DACH1: variants seen among roughly 807,000 people sequenced by gnomAD.
DACH1 encodes the protein dachshund family transcription factor 1.
Under a neutral mutation model 54.2 loss-of-function variants are expected in DACH1, and 12 were observed. That is an observed-to-expected ratio of 0.22 (90% CI 0.14 to 0.36). The LOEUF (loss-of-function observed/expected upper bound fraction) is 0.36, where lower values mean the gene tolerates loss of function less well. DACH1 is among the 10% of genes least tolerant of loss of function. DACH1 has a pLI of 1.00. For missense variants in DACH1, 805 were observed against 929.8 expected (o/e 0.87, Z 1.75); for synonymous variants, 386 against 366.2 (o/e 1.05, Z -0.62).
At chr13:71,572,094 T>C (rs1298065765) in intron 4 of DACH1, among the ~76,000 whole-genome samples, 1 of 152,190 alleles carries the variant, frequency 6.6e-6, no homozygotes, top group Non-Finnish European at 1.5e-5. Flanking sequence ...ATAAAATATC[T>C]TGTACTTAGT....
At chr13:71,695,989 T>C (rs1456158462) in intron 1 of DACH1, among the ~76,000 whole-genome samples, 2 of 152,220 alleles carry the variant, frequency 1.3e-5, no homozygotes, top group Non-Finnish European at 2.9e-5. Flanking sequence ...GTGCTCATAA[T>C]TTAATAGGTT....
At chr13:71,825,717 G>C (rs952556458) in intron 1 of DACH1, among the ~76,000 whole-genome samples, 3 of 151,988 alleles carry the variant, frequency 2.0e-5, no homozygotes, top group Non-Finnish European at 4.4e-5. Flanking sequence ...TGGACATTTG[G>C]CTTGTTATTT....
chr13:71,645,524 A>G (rs957195320), intron 2 of DACH1, among the ~76,000 whole-genome samples: 1 of 152,072 alleles, frequency 6.6e-6, no homozygotes, highest in Non-Finnish European at 1.5e-5. Flanking sequence ...CAGGTATCTC[A>G]AGTCTAATTC....
intron 6 of DACH1, among the ~76,000 whole-genome samples, chr13:71,540,867 G>A (rs1382364986): frequency 6.6e-6 from 1 of 151,840 alleles, no homozygotes; most frequent in African/African-American, 2.4e-5. Context: ...TAAAGTCACT[G>A]ATTAAATGAT....
At chr13:71,782,707 C>G (rs1886436029) in intron 1 of DACH1, among the ~76,000 whole-genome samples, 1 of 152,016 alleles carries the variant, frequency 6.6e-6, no homozygotes, top group Non-Finnish European at 1.5e-5. Context: ...GGCACTAAAC[C>G]AGAGTTTTTA....
chr13:71,675,305 C>T, intron 2 of DACH1: 1 of 1,601,178 alleles, frequency 6.2e-7, no homozygotes. Flanking sequence ...TACTTTAAAA[C>T]AGATCTGCGC....
intron 6 of DACH1, among the ~76,000 whole-genome samples, chr13:71,494,846 T>C (rs1441164353): frequency 1.3e-5 from 2 of 152,222 alleles, no homozygotes. Context: ...CACTTATCAA[T>C]AACTGACTAT....
chr13:71,465,359 T>C (rs774802051), intron 10 of DACH1, among the ~76,000 whole-genome samples: 28 of 152,076 alleles, frequency 1.8e-4, no homozygotes, highest in Non-Finnish European at 3.5e-4. Flanking sequence ...CTTTTATGAC[T>C]CTTGAAGTAT....
At chr13:71,828,801 G>A (rs1888477555) in intron 1 of DACH1, among the ~76,000 whole-genome samples, 1 of 151,710 alleles carries the variant, frequency 6.6e-6, no homozygotes. Context: ...TGGCTTCTCT[G>A]GTCTCTAAGG....
intron 1 of DACH1, among the ~76,000 whole-genome samples, chr13:71,753,925 C>G (rs920226494): frequency 6.6e-6 from 1 of 151,982 alleles, no homozygotes; most frequent in Non-Finnish European, 1.5e-5. Context: ...TATAAATGAC[C>G]AAATGTTTTA....
At chr13:71,556,953 T>C (rs951306954) in intron 6 of DACH1, 71 bp downstream of exon 6, 14 of 1,437,058 alleles carry the variant, frequency 9.7e-6, no homozygotes, top group Middle Eastern at 1.8e-4. Context: ...ATAGACTTCA[T>C]TGTGTGATTA....
At chr13:71,773,128 G>A (rs896857110) in intron 1 of DACH1, among the ~76,000 whole-genome samples, 4 of 151,510 alleles carry the variant, frequency 2.6e-5, no homozygotes, top group Admixed American at 6.6e-5. Context: ...TAATTCTTGC[G>A]GAAAATTTAG....
intron 1 of DACH1, among the ~76,000 whole-genome samples, chr13:71,864,772 C>G (rs537729630): frequency 6.7e-6 from 1 of 150,156 alleles, no homozygotes; most frequent in South Asian, 2.2e-4. Context: ...GATCCTCCCC[C>G]ACTGAGCGTT....
chr13:71,664,793 C>T (rs180735840), intron 2 of DACH1, among the ~76,000 whole-genome samples: 1 of 152,040 alleles, frequency 6.6e-6, no homozygotes, highest in African/African-American at 2.4e-5. Flanking sequence ...TAATAACATA[C>T]AAATTGAATA....
At chr13:71,739,921 GAC>G (rs1884309616) in intron 1 of DACH1, among the ~76,000 whole-genome samples, 1 of 152,140 alleles carries the variant, frequency 6.6e-6, no homozygotes, top group African/African-American at 2.4e-5. Flanking sequence ...AGCTTTTAAA[GAC>G]ACACTGTAAA....
intron 6 of DACH1, among the ~76,000 whole-genome samples, chr13:71,554,211 C>T (rs986222673): frequency 2.0e-5 from 3 of 151,828 alleles, no homozygotes; most frequent in African/African-American, 7.3e-5. Flanking sequence ...TATTAATTCA[C>T]TATATTAAAA....
intron 6 of DACH1, among the ~76,000 whole-genome samples, chr13:71,512,362 A>G (rs1880843150): frequency 6.6e-6 from 1 of 151,934 alleles, no homozygotes; most frequent in African/African-American, 2.4e-5. Flanking sequence ...GCACGGATTA[A>G]CAAGTACCAT....
intron 1 of DACH1, among the ~76,000 whole-genome samples, chr13:71,756,571 C>T (rs1413724717): frequency 1.3e-5 from 2 of 151,652 alleles, no homozygotes; most frequent in Non-Finnish European, 2.9e-5. Flanking sequence ...TGAGTGGCAG[C>T]TATGTCCTGG....
chr13:71,789,317 A>G lies in DACH1; in HGVS notation c.848+76605T>C, dbSNP rs534575419. On this transcript the variant is annotated intron_variant, in intron 1 of 10. Transcript: ENST00000613252. ...ATCACAGCTGATATTGCAGAGCTTC[A>G]TTATTTAACTGAATATGAAGATTAG... is the stretch of plus-strand genomic sequence containing the variant. 5.5e-4 allele frequency among the ~76,000 whole-genome samples: 84 copies of G among 152,256 alleles called. No homozygotes were observed. The South Asian group carries it at 0.016, about 30-fold the overall frequency.
Sources: gnomAD v4.1 joint callset for allele counts (sites outside exome capture counted in the v4.1 genomes callset) on GRCh38, gnomAD v4.1.1 for gene constraint, MANE v1.5 for transcripts, NCBI Gene and HGNC (gene_info 2026-07-23, HGNC 2026-07-21) for gene names.